The following LRRC7 variants were observed in gnomAD, a reference collection of about 807,000 sequenced individuals.
LRRC7 encodes the protein leucine rich repeat containing 7.
LRRC7 carries 23 observed loss-of-function variants against 175.7 expected under a neutral mutation model. The observed-to-expected ratio is 0.13, with a 90% confidence interval of 0.09 to 0.19. The LOEUF (loss-of-function observed/expected upper bound fraction) is 0.19. Ranked by LOEUF, LRRC7 falls within the 10% of genes least tolerant of loss-of-function variation. LRRC7 has a pLI of 1.00. For synonymous variants in LRRC7, 685 were observed against 680.9 expected, an observed-to-expected ratio of 1.01 and a Z score of -0.09; for missense variants, 1,354 against 1,904.7, an observed-to-expected ratio of 0.71 and a Z score of 5.38.
At chr1:69,610,750 T>C (rs7545702) in intron 1 of LRRC7, among the ~76,000 whole-genome samples, 12,750 of 152,032 alleles carry the variant, frequency 0.084, 622 homozygotes, top group Non-Finnish European at 0.11. Flanking sequence ...TTGGTAAGTA[T>C]ATTCATCTCC....
Position 70,129,329 on chromosome 1 carries a change from C to T in LRRC7, c.*7442C>T, listed in dbSNP as rs373927801. 6.6e-6 allele frequency among the ~76,000 whole-genome samples: 1 copy of T among 151,538 alleles called. No homozygotes were observed. The highest frequency in any genetic ancestry group is 6.6e-5 in the Admixed American group (1 of 15,212). On this transcript the variant is annotated 3_prime_UTR_variant, in exon 27 of 27. Transcript: ENST00000651989. ...TTAGGGCAACATTTGATAGGCTAAA[C>T]GTGGCAAGTGTGAATGCCTTGCTAG... is the stretch of plus-strand genomic sequence containing the variant.
intron 24 of LRRC7, among the ~76,000 whole-genome samples, chr1:70,087,823 A>C (rs926799956): frequency 6.6e-6 from 1 of 152,192 alleles, no homozygotes; most frequent in Admixed American, 6.6e-5. Context: ...CCAGTAAACT[A>C]TCTAATATTT....
chr1:69,592,599 AT>A (rs2100963514), intron 1 of LRRC7, among the ~76,000 whole-genome samples: 1 of 152,168 alleles, frequency 6.6e-6, no homozygotes, highest in African/African-American at 2.4e-5. Flanking sequence ...TTCTGTTAAG[AT>A]TTTGGCTGAA....
In LRRC7 at chr1:69,824,489, T is replaced by A. The variant is rs143085545; in HGVS notation, c.422-1259T>A. Among the ~76,000 whole-genome samples the A allele has an allele frequency of 1.7e-3, 256 of 152,180 alleles. 1 individual carries two copies. The highest frequency in any genetic ancestry group is 5.9e-3 in the African/African-American group (245 of 41,548). ...GGCTCTTATTTAGAAGTCAGAATAG[T>A]TCAGTAATAATTTTAGGACCGCATG... On this transcript the variant is annotated intron_variant, in intron 4 of 26. Transcript: ENST00000651989.
intron 1 of LRRC7, among the ~76,000 whole-genome samples, chr1:69,588,533 A>G (rs1484201073): frequency 6.6e-6 from 1 of 152,164 alleles, no homozygotes; most frequent in Non-Finnish European, 1.5e-5. Flanking sequence ...AATATAGTGG[A>G]TAAAGTATGA....
intron 3 of LRRC7, among the ~76,000 whole-genome samples, chr1:69,763,524 T>C (rs776329015): frequency 1.5e-4 from 23 of 152,074 alleles, no homozygotes; most frequent in Non-Finnish European, 2.6e-4. Context: ...GTGGGATTAC[T>C]GTAATTGGGC....
intron 24 of LRRC7, among the ~76,000 whole-genome samples, chr1:70,083,442 T>C (rs1239796913): frequency 6.6e-6 from 1 of 152,118 alleles, no homozygotes; most frequent in Non-Finnish European, 1.5e-5. Context: ...AAAGTAGCAG[T>C]AACTTTAATT....
At chr1:70,014,139 A>C (rs569007266) in intron 13 of LRRC7, 1 of 152,128 alleles carries the variant, frequency 6.6e-6, no homozygotes, top group Admixed American at 6.6e-5. Flanking sequence ...TGACTGTGTT[A>C]CTAGCCTGGA....
intron 23 of LRRC7, among the ~76,000 whole-genome samples, chr1:70,055,288 C>A (rs1202001414): frequency 6.6e-6 from 1 of 152,034 alleles, no homozygotes; most frequent in African/African-American, 2.4e-5. Flanking sequence ...GGGATTTATC[C>A]TGTGGGAAAT....
intron 16 of LRRC7, among the ~76,000 whole-genome samples, chr1:70,021,688 A>C (rs2101976025): frequency 6.6e-6 from 1 of 152,320 alleles, no homozygotes; most frequent in Non-Finnish European, 1.5e-5. Flanking sequence ...AGGGAACATA[A>C]CTTCAATTTT....
At chr1:69,959,995 C>T (rs947680254) in intron 8 of LRRC7, among the ~76,000 whole-genome samples, 1 of 152,048 alleles carries the variant, frequency 6.6e-6, no homozygotes, top group African/African-American at 2.4e-5. Flanking sequence ...TAATGCTGGC[C>T]TCATAGAATG....
At chr1:69,614,556 T>C (rs1199080233) in intron 1 of LRRC7, among the ~76,000 whole-genome samples, 2 of 152,016 alleles carry the variant, frequency 1.3e-5, no homozygotes, top group African/African-American at 2.4e-5. Context: ...CACGTTGATA[T>C]CATTGACCAA....
intron 1 of LRRC7, among the ~76,000 whole-genome samples, chr1:69,573,431 T>C (rs1286365963): frequency 2.6e-5 from 4 of 152,206 alleles, no homozygotes. Context: ...TTTGGACTAT[T>C]ATTTAATGTA....
At chr1:70,085,770 G>A (rs1387818886) in intron 24 of LRRC7, among the ~76,000 whole-genome samples, 1 of 151,978 alleles carries the variant, frequency 6.6e-6, no homozygotes, top group Non-Finnish European at 1.5e-5. Context: ...GTTTTCCACA[G>A]TTCATCCCAC....
chr1:69,610,649 T>C (rs2100248516), intron 1 of LRRC7, among the ~76,000 whole-genome samples: 1 of 152,158 alleles, frequency 6.6e-6, no homozygotes, highest in Admixed American at 6.6e-5. Flanking sequence ...TGTAATTAAA[T>C]TAGTGATATA....
intron 11 of LRRC7, among the ~76,000 whole-genome samples, chr1:69,997,507 T>C (rs1419550602): frequency 6.6e-6 from 1 of 152,096 alleles, no homozygotes; most frequent in Non-Finnish European, 1.5e-5. Context: ...TTCCAGTTTT[T>C]GTCCATTCAG....
chr1:69,734,163 C>A (rs1432435236), intron 2 of LRRC7, among the ~76,000 whole-genome samples: 5 of 151,794 alleles, frequency 3.3e-5, no homozygotes, highest in Non-Finnish European at 5.9e-5. Flanking sequence ...AAAACACAGA[C>A]ATTACAGAAA....
intron 8 of LRRC7, among the ~76,000 whole-genome samples, chr1:69,965,463 G>A (rs1570832487): frequency 6.6e-6 from 1 of 151,976 alleles, no homozygotes; most frequent in Admixed American, 6.6e-5. Context: ...ATGGCTTAAA[G>A]TGTTTTAATT....
intron 1 of LRRC7, among the ~76,000 whole-genome samples, chr1:69,573,266 C>G (rs548712875): frequency 9.2e-5 from 14 of 152,218 alleles, no homozygotes; most frequent in Admixed American, 7.9e-4. Flanking sequence ...TCATTTTTCC[C>G]CATTCTGTGC....
Sources: gnomAD v4.1 joint callset for allele counts (sites outside exome capture counted in the v4.1 genomes callset) on GRCh38, gnomAD v4.1.1 for gene constraint, MANE v1.5 for transcripts, NCBI Gene and HGNC (gene_info 2026-07-23, HGNC 2026-07-21) for gene names.